Variants in ZFHX3 observed in about 807,000 individuals in gnomAD.
The protein encoded by ZFHX3 is zinc finger homeobox 3.
Under a neutral mutation model 279.1 loss-of-function variants are expected in ZFHX3, and 42 were observed. The observed-to-expected ratio is 0.15, with a 90% confidence interval of 0.12 to 0.19. The LOEUF (loss-of-function observed/expected upper bound fraction) is 0.19. ZFHX3 is among the 10% of genes least tolerant of loss of function. The pLI is 1.00. For synonymous variants in ZFHX3, 2,293 were observed against 1,957.8 expected, an observed-to-expected ratio of 1.17 and a Z score of -4.52; for missense variants, 4,981 against 4,754.0, an observed-to-expected ratio of 1.05 and a Z score of -1.40.
chr16:73,883,030 TAA>T (rs369648811), intron 1 of ZFHX3, among the ~76,000 whole-genome samples: 3 of 147,750 alleles, frequency 2.0e-5, no homozygotes, highest in African/African-American at 7.5e-5. Context: ...TCAAGCTTTT[TAA>T]AAAAAAAAAT....
intron 1 of ZFHX3, among the ~76,000 whole-genome samples, chr16:73,026,693 A>AAAAAAAAAAAAC (rs201116956): frequency 4.1e-5 from 6 of 144,642 alleles, no homozygotes; most frequent in African/African-American, 5.1e-5. Context: ...AAAAAAAAAA[A>AAAAAAAAAAAAC]AACACATAGT....
intron 2 of ZFHX3, among the ~76,000 whole-genome samples, chr16:73,622,430 CG>C (rs1305451080): frequency 6.6e-6 from 1 of 151,994 alleles, no homozygotes; most frequent in Non-Finnish European, 1.5e-5. Flanking sequence ...GGCGTGGTGG[CG>C]GGCACCTGCA....
intron 1 of ZFHX3, among the ~76,000 whole-genome samples, chr16:73,751,521 GTGTTTA>G (rs1288560250): frequency 1.2e-4 from 12 of 102,032 alleles, no homozygotes; most frequent in Admixed American, 1.2e-3. Flanking sequence ...ATGTGTATAT[GTGTTTA>G]TGTGTGTGTG....
At chr16:73,053,857 G>A (rs994898443) in intron 1 of ZFHX3, among the ~76,000 whole-genome samples, 5 of 152,206 alleles carry the variant, frequency 3.3e-5, no homozygotes, top group African/African-American at 4.8e-5. Flanking sequence ...CGGAAATGAC[G>A]TCAGCAAAGT....
intron 2 of ZFHX3, among the ~76,000 whole-genome samples, chr16:73,475,182 G>C (rs1862775): frequency 0.22 from 34,128 of 152,106 alleles, 4,351 homozygotes; most frequent in East Asian, 0.6. Flanking sequence ...ATAAAAGATA[G>C]CGCTGGGAAT....
chr16:73,224,946 T>C (rs894908403), intron 5 of ZFHX3, among the ~76,000 whole-genome samples: 2 of 152,170 alleles, frequency 1.3e-5, no homozygotes, highest in African/African-American at 4.8e-5. Context: ...TTCAATCACC[T>C]GCCTATCACC....
At chr16:73,210,758 C>T (rs893990119) in intron 5 of ZFHX3, among the ~76,000 whole-genome samples, 5 of 152,000 alleles carry the variant, frequency 3.3e-5, no homozygotes, top group South Asian at 2.1e-4. Flanking sequence ...GCTCCTCTAA[C>T]GTGGGGGAAC....
In ZFHX3 at chr16:72,797,615, C is replaced by T; in HGVS notation, c.5067G>A (p.Gly1689=). The part of the protein sequence containing the change: ...LLSQVPTESV[G]MPPLGNPIGA... ...CAATAGGATTCCCCAGGGGTGGCAT[C>T]CCTACACTCTCAGTGGGCACTTGGC... The change falls in exon 9 of 10, where the codon GGG becomes GGA. Residue 1689 remains glycine (G), a synonymous_variant. Coordinates refer to ENST00000268489, the MANE Select transcript of ZFHX3 (RefSeq NM_006885.4). 6.2e-7 allele frequency: 1 copy of T among 1,614,130 alleles called. No homozygotes were observed. The highest frequency in any genetic ancestry group is 8.5e-7 in the Non-Finnish European group (1 of 1,180,028).
chr16:73,235,093 G>A (rs566112618), intron 5 of ZFHX3, among the ~76,000 whole-genome samples: 23 of 152,126 alleles, frequency 1.5e-4, no homozygotes, highest in South Asian at 1.0e-3. Context: ...TTTTTGAGAC[G>A]GAGTCTCACT....
Position 72,929,406 on chromosome 16 carries a change from T to C in ZFHX3, c.3216+21063A>G, listed in dbSNP as rs901711240. On this transcript the variant is annotated intron_variant, in intron 3 of 9. Coordinates refer to ENST00000268489, the MANE Select transcript of ZFHX3 (RefSeq NM_006885.4). ...GGTGAAAGGGATGCAAAAGCTAAGT[T>C]TGAAAAAGCTCTGGGGGTGAAGTGT... 4.6e-5 allele frequency among the ~76,000 whole-genome samples: 7 copies of C among 152,216 alleles called. No individual in the cohort carries two copies. The East Asian group carries it at 1.4e-3, about 29-fold the overall frequency.
intron 3 of ZFHX3, among the ~76,000 whole-genome samples, chr16:73,349,466 T>A (rs369128491): frequency 0.023 from 1,630 of 70,810 alleles, 10 homozygotes; most frequent in Middle Eastern, 0.055. Context: ...AAAAGGTGAT[T>A]GTAACTGTAC....
intron 1 of ZFHX3, among the ~76,000 whole-genome samples, chr16:73,682,991 AAAAG>A (rs796634470): frequency 0.26 from 10,768 of 41,744 alleles, 1,346 homozygotes; most frequent in South Asian, 0.4. Context: ...AGAAAGAAAG[AAAAG>A]AAAGAAAGAA....
chr16:73,301,565 TA>T (rs1243735260), intron 4 of ZFHX3, among the ~76,000 whole-genome samples: 5 of 152,092 alleles, frequency 3.3e-5, no homozygotes, highest in Admixed American at 1.3e-4. Flanking sequence ...TGGACAGGGT[TA>T]GGGGGATACA....
intron 3 of ZFHX3, among the ~76,000 whole-genome samples, chr16:73,414,187 A>G (rs912846990): frequency 1.3e-5 from 2 of 152,212 alleles, no homozygotes; most frequent in African/African-American, 4.8e-5. Flanking sequence ...AAGTGTAGTT[A>G]CTCCTTTTAG....
At chr16:73,786,269 T>C (rs550639157) in intron 1 of ZFHX3, among the ~76,000 whole-genome samples, 1 of 152,180 alleles carries the variant, frequency 6.6e-6, no homozygotes, top group Admixed American at 6.5e-5. Flanking sequence ...ATATGTTTTC[T>C]TCTACTTTCT....
At chr16:73,717,510 C>G (rs1487341458) in intron 1 of ZFHX3, among the ~76,000 whole-genome samples, 1 of 152,226 alleles carries the variant, frequency 6.6e-6, no homozygotes, top group East Asian at 1.9e-4. Context: ...TGAGAACAAG[C>G]CTCTTAGAAA....
chr16:73,388,044 A>G (rs555177337), intron 3 of ZFHX3, among the ~76,000 whole-genome samples: 1 of 152,058 alleles, frequency 6.6e-6, no homozygotes, highest in Non-Finnish European at 1.5e-5. Flanking sequence ...CTGAGCTGGG[A>G]GGAGGGGGAG....
intron 4 of ZFHX3, among the ~76,000 whole-genome samples, chr16:72,850,027 G>C (rs12050915): frequency 6.6e-6 from 1 of 152,242 alleles, no homozygotes; most frequent in East Asian, 1.9e-4. Flanking sequence ...GGGACTGTCA[G>C]AGCAAACAAG....
At chr16:73,026,685 A>C (rs902415312) in intron 1 of ZFHX3, among the ~76,000 whole-genome samples, 1 of 151,670 alleles carries the variant, frequency 6.6e-6, no homozygotes, top group Non-Finnish European at 1.5e-5. Flanking sequence ...AAAAAAAAAA[A>C]AAAAAAAAAA....
Sources: allele counts gnomAD v4.1 joint callset (sites outside exome capture counted in the v4.1 genomes callset), GRCh38; gene constraint gnomAD v4.1.1; transcripts MANE v1.5; gene names NCBI Gene and HGNC (gene_info 2026-07-23, HGNC 2026-07-21).